The following ACSS3 variants were observed in gnomAD, a reference collection of about 807,000 sequenced individuals.
ACSS3 encodes the protein acyl-CoA synthetase short chain family member 3, also known as acyl-CoA synthetase short-chain family member 3, mitochondrial.
In ACSS3, 64 loss-of-function variants were observed where a neutral mutation model predicts 84.2. That is an observed-to-expected ratio of 0.76 (90% CI 0.62 to 0.94). The LOEUF (loss-of-function observed/expected upper bound fraction) is 0.94, where lower values mean the gene tolerates loss of function less well. Ranked by LOEUF, ACSS3 falls within the 40% of genes least tolerant of loss-of-function variation. The pLI, the probability that ACSS3 is intolerant of heterozygous loss-of-function variation, is 0.00. For synonymous variants in ACSS3, 317 were observed against 310.1 expected (o/e 1.02, Z -0.23); for missense variants, 815 against 867.6 (o/e 0.94, Z 0.76).
chr12:81,078,525 C>G lies in ACSS3; in HGVS notation c.311+94C>G, dbSNP rs1208678450. ...GGACCTGGAATCTGGCATTCTATCA[C>G]GAAAGAAAATTGAAACTGGAGATGT... On this transcript the variant is annotated intron_variant, in intron 1 of 15. Transcript: ENST00000548058. The G allele has an allele frequency of 5.0e-6, 7 of 1,400,584 alleles. No individual in the cohort carries two copies. In the Admixed American group the frequency reaches 8.9e-5, roughly 18 times the overall value. 86.8% of individuals were successfully genotyped at this position (1,400,584 alleles called of 1,614,324 possible).
intron 1 of ACSS3, among the ~76,000 whole-genome samples, chr12:81,080,129 C>T (rs1190444012): frequency 6.6e-6 from 1 of 152,008 alleles, no homozygotes; most frequent in Non-Finnish European, 1.5e-5. Flanking sequence ...TAAGAAGCCA[C>T]AGGTATATTC....
intron 12 of ACSS3, among the ~76,000 whole-genome samples, chr12:81,232,709 G>A (rs1266816343): frequency 6.6e-6 from 1 of 151,618 alleles, no homozygotes; most frequent in Non-Finnish European, 1.5e-5. Flanking sequence ...GGCTTTCCAG[G>A]ATTTGTACTG....
At chr12:81,196,253 C>T (rs180816503) in intron 8 of ACSS3, among the ~76,000 whole-genome samples, 1 of 152,106 alleles carries the variant, frequency 6.6e-6, no homozygotes, top group Non-Finnish European at 1.5e-5. Context: ...TCTACACTCT[C>T]CCATATGGTA....
intron 13 of ACSS3, among the ~76,000 whole-genome samples, chr12:81,250,146 T>A (rs570215235): frequency 6.6e-6 from 1 of 152,088 alleles, no homozygotes; most frequent in Non-Finnish European, 1.5e-5. Flanking sequence ...TTTGATATTT[T>A]TCCCCCCATA....
At chr12:81,173,713 C>G (rs1008363968) in intron 7 of ACSS3, among the ~76,000 whole-genome samples, 2 of 151,936 alleles carry the variant, frequency 1.3e-5, no homozygotes, top group African/African-American at 4.8e-5. Flanking sequence ...CTAGCAAATC[C>G]TTTGCTCTTT....
intron 8 of ACSS3, among the ~76,000 whole-genome samples, chr12:81,193,799 T>A (rs956659604): frequency 2.0e-5 from 3 of 151,922 alleles, no homozygotes; most frequent in Admixed American, 6.6e-5. Flanking sequence ...AGTTTTTTTT[T>A]AATTTTAACT....
At chr12:81,078,039 C>T, upstream of ACSS3, 1 of 1,396,590 alleles carries the variant, frequency 7.2e-7, no homozygotes, top group Non-Finnish European at 9.4e-7. Flanking sequence ...TGCCCCCGCC[C>T]CCTACTCCCT....
chr12:81,106,359 A>G (rs747151161), intron 1 of ACSS3, among the ~76,000 whole-genome samples: 66 of 152,212 alleles, frequency 4.3e-4, no homozygotes, highest in Non-Finnish European at 7.6e-4. Context: ...GCTGTCTTCC[A>G]TCACCCCAAG....
At chr12:81,102,837 AAAG>A (rs1882635949) in intron 1 of ACSS3, among the ~76,000 whole-genome samples, 1 of 152,114 alleles carries the variant, frequency 6.6e-6, no homozygotes, top group Non-Finnish European at 1.5e-5. Flanking sequence ...AAAAAAAAAA[AAAG>A]GAGAAGATTG....
intron 2 of ACSS3, among the ~76,000 whole-genome samples, chr12:81,124,035 A>T (rs1884867649): frequency 6.6e-6 from 1 of 152,124 alleles, no homozygotes; most frequent in Non-Finnish European, 1.5e-5. Context: ...AAATGGTACT[A>T]CTGTTTTAAA....
Position 81,259,576 on chromosome 12 carries a change from A to G in ACSS3, c.*4654A>G. The G allele has an allele frequency of 6.8e-7, 1 of 1,466,396 alleles. No homozygotes were observed. Among genetic ancestry groups the G allele is most frequent in the Non-Finnish European group, 9.2e-7 (1 of 1,085,572 alleles). The allele number at this position is 1,466,396 out of a possible 1,614,324, so 90.8% of individuals were successfully genotyped here. A position where few individuals can be genotyped will look rare whatever the true frequency, so the allele number is the denominator to read the frequency against. On this transcript the variant is annotated 3_prime_UTR_variant, in exon 16 of 16. Coordinates refer to ENST00000548058, the MANE Select transcript of ACSS3 (RefSeq NM_024560.4). ...TAAGTCATGACGTCATTATTTCCTT[A>G]GAATTCAGTTTTCACAAAGGTTTTC...
At chr12:81,199,243 G>T in intron 8 of ACSS3, 98 bp from the exon 9 acceptor site, 2 of 1,034,830 alleles carry the variant, frequency 1.9e-6, no homozygotes, top group Non-Finnish European at 2.8e-6. Flanking sequence ...GTATTCCTCT[G>T]ACATAATGAG....
intron 10 of ACSS3, 24 bp downstream of exon 10, chr12:81,217,020 G>A (rs542373186): frequency 1.5e-5 from 23 of 1,577,324 alleles, no homozygotes; most frequent in African/African-American, 5.4e-5. Flanking sequence ...CTGATAATAC[G>A]TAAAGTTAAT....
intron 9 of ACSS3, among the ~76,000 whole-genome samples, chr12:81,214,781 T>A (rs1169451032): frequency 6.6e-6 from 1 of 152,198 alleles, no homozygotes; most frequent in Non-Finnish European, 1.5e-5. Flanking sequence ...ATCCACACTG[T>A]AAGAACTGTA....
Position 81,254,060 on chromosome 12 carries a change from G to C in ACSS3, c.1995+390G>C, listed in dbSNP as rs568403274. 2.6e-5 allele frequency among the ~76,000 whole-genome samples: 4 copies of C among 152,176 alleles called. No individual in the cohort carries two copies. In the South Asian group the frequency reaches 6.2e-4, roughly 24 times the overall value. On this transcript the variant is annotated intron_variant, in intron 15 of 15. Coordinates refer to ENST00000548058, the MANE Select transcript of ACSS3 (RefSeq NM_024560.4). ...TCACATCAGTCTCATAAGTAGTTGGGACTACAGGTGCATGCAACTGTGCCT... is the reference window on the plus strand; with the variant it reads ...TCACATCAGTCTCATAAGTAGTTGGCACTACAGGTGCATGCAACTGTGCCT...
At chr12:81,110,225 A>T (rs535238784) in intron 2 of ACSS3, among the ~76,000 whole-genome samples, 1 of 152,340 alleles carries the variant, frequency 6.6e-6, no homozygotes, top group Non-Finnish European at 1.5e-5. Flanking sequence ...TGGTCATAAC[A>T]TTCCTTCCAA....
chr12:81,152,055 T>C lies in ACSS3; in HGVS notation c.1057T>C (p.Tyr353His). Reference protein sequence around the residue: ...GWVVGHSYICYGPLLHGNTTV... With the variant: ...GWVVGHSYICHGPLLHGNTTV... ...GGTTGTTGGACATTCCTATATCTGC[T>C]ATGGACCTCTTCTTCATGGGAACAC... The change falls in exon 7 of 16, where the codon TAT (tyrosine) becomes CAT (histidine). Residue 353 changes from tyrosine (Y) to histidine (H), a missense_variant. By Grantham distance (83) the Tyr-to-His change is moderately conservative. Coordinates refer to ENST00000548058, the MANE Select transcript of ACSS3 (RefSeq NM_024560.4). 1 of 1,613,448 alleles carries C rather than the reference T, an allele frequency of 6.2e-7. No individual in the cohort carries two copies. The highest frequency in any genetic ancestry group is 8.5e-7 in the Non-Finnish European group (1 of 1,179,748).
intron 7 of ACSS3, among the ~76,000 whole-genome samples, chr12:81,164,572 C>T (rs1435779732): frequency 1.3e-5 from 2 of 152,244 alleles, no homozygotes; most frequent in East Asian, 1.9e-4. Flanking sequence ...TTATTTTTTG[C>T]ATTTAATACT....
At chr12:81,188,011 A>G (rs1162565737) in intron 8 of ACSS3, among the ~76,000 whole-genome samples, 2 of 151,996 alleles carry the variant, frequency 1.3e-5, no homozygotes, top group East Asian at 3.8e-4. Flanking sequence ...CAAATTTGAG[A>G]ATAGGATACC....
Sources: allele counts gnomAD v4.1 joint callset (sites outside exome capture counted in the v4.1 genomes callset), GRCh38; gene constraint gnomAD v4.1.1; transcripts MANE v1.5; gene names NCBI Gene and HGNC (gene_info 2026-07-23, HGNC 2026-07-21).